Variants in FSTL5 observed in about 807,000 individuals in gnomAD.
The protein encoded by FSTL5 is follistatin like 5.
FSTL5 carries 62 observed loss-of-function variants against 89.1 expected under a neutral mutation model. The ratio of observed to expected loss-of-function variants is 0.70; its 90% CI spans 0.57 to 0.86. The LOEUF is 0.86. Ranked by LOEUF, FSTL5 falls within the 40% of genes least tolerant of loss-of-function variation. FSTL5 has a pLI of 0.00. For missense variants in FSTL5, 1,057 were observed against 1,001.6 expected, an observed-to-expected ratio of 1.06 and a Z score of -0.75; for synonymous variants, 383 against 346.2, an observed-to-expected ratio of 1.11 and a Z score of -1.18.
At chr4:161,811,266 A>G (rs1730137344) in intron 4 of FSTL5, among the ~76,000 whole-genome samples, 1 of 152,158 alleles carries the variant, frequency 6.6e-6, no homozygotes, top group Non-Finnish European at 1.5e-5. Context: ...GAGAAGTACA[A>G]TTTTATGGAA....
chr4:161,589,569 C>T (rs1578949244), intron 7 of FSTL5, among the ~76,000 whole-genome samples: 1 of 152,024 alleles, frequency 6.6e-6, no homozygotes, highest in Non-Finnish European at 1.5e-5. Flanking sequence ...CCTCCTGCTT[C>T]AGCCACCCAA....
chr4:161,633,000 G>T (rs549040171), intron 7 of FSTL5, among the ~76,000 whole-genome samples: 3 of 152,062 alleles, frequency 2.0e-5, no homozygotes, highest in African/African-American at 7.2e-5. Flanking sequence ...TGGCTAGAAT[G>T]GATTTTGTTT....
intron 1 of FSTL5, among the ~76,000 whole-genome samples, chr4:162,157,277 G>T (rs1356292948): frequency 6.6e-6 from 1 of 152,016 alleles, no homozygotes; most frequent in Non-Finnish European, 1.5e-5. Flanking sequence ...TTAGACCAAA[G>T]TAAATTGAAG....
chr4:162,008,555 C>G (rs899015388), intron 3 of FSTL5, among the ~76,000 whole-genome samples: 1 of 151,804 alleles, frequency 6.6e-6, no homozygotes, highest in African/African-American at 2.4e-5. Flanking sequence ...CCTGAGGCAG[C>G]TGACAAAATC....
intron 15 of FSTL5, among the ~76,000 whole-genome samples, chr4:161,435,005 T>C (rs943258969): frequency 1.3e-5 from 2 of 152,076 alleles, no homozygotes; most frequent in African/African-American, 4.8e-5. Context: ...CTGTGGGGAA[T>C]AGTTTGGAAG....
At chr4:162,162,019 G>A (rs1170551542) in intron 1 of FSTL5, among the ~76,000 whole-genome samples, 2 of 151,940 alleles carry the variant, frequency 1.3e-5, no homozygotes, top group Non-Finnish European at 2.9e-5. Context: ...TTTAATTTAA[G>A]ATCACATGAC....
intron 3 of FSTL5, among the ~76,000 whole-genome samples, chr4:162,015,178 T>C (rs1040512463): frequency 6.6e-6 from 1 of 152,198 alleles, no homozygotes; most frequent in African/African-American, 2.4e-5. Context: ...TGAGTTACTC[T>C]GGCAAGGGGC....
At chr4:161,980,442 C>G (rs1424408447) in intron 3 of FSTL5, among the ~76,000 whole-genome samples, 1 of 152,028 alleles carries the variant, frequency 6.6e-6, no homozygotes, top group African/African-American at 2.4e-5. Flanking sequence ...GGCACATGTT[C>G]TTTTGTTTCC....
chr4:161,599,728 C>T (rs570851761), intron 7 of FSTL5, among the ~76,000 whole-genome samples: 1 of 151,916 alleles, frequency 6.6e-6, no homozygotes, highest in Non-Finnish European at 1.5e-5. Flanking sequence ...GTGTATATGG[C>T]CATATATTTC....
intron 4 of FSTL5, among the ~76,000 whole-genome samples, chr4:161,880,690 A>C (rs1732599648): frequency 6.6e-6 from 1 of 152,166 alleles, no homozygotes; most frequent in Non-Finnish European, 1.5e-5. Context: ...CAACATTCAC[A>C]CAGTGAAATA....
intron 13 of FSTL5, among the ~76,000 whole-genome samples, chr4:161,476,183 TTTTTTGTTTGTTTG>T (rs1336277679): frequency 9.5e-6 from 1 of 105,774 alleles, no homozygotes; most frequent in Non-Finnish European, 1.9e-5. Context: ...GTTTTTTTTT[TTTTTTGTTTGTTTG>T]TTTTTTTGAG....
chr4:161,385,900 G>GT lies in FSTL5; in HGVS notation c.2390dup (p.Asn797LysfsTer31). 6.2e-7 allele frequency: 1 copy of GT among 1,613,888 alleles called. No individual in the cohort carries two copies. The highest frequency in any genetic ancestry group is 8.5e-7 in the Non-Finnish European group (1 of 1,179,934). Reference sequence around the variant, plus strand: ...ACAAGCCACTGTCCTGGATTTGCCTGTTTTTCCGGTTCCAAGGCCATTCTT... The same window carrying GT: ...ACAAGCCACTGTCCTGGATTTGCCTGTTTTTTCCGGTTCCAAGGCCATTCTT... On this transcript the variant is annotated frameshift_variant, in exon 16 of 16. Coordinates refer to ENST00000306100, the MANE Select transcript of FSTL5 (RefSeq NM_020116.5). LOFTEE classifies it high-confidence loss of function.
chr4:161,499,883 G>A (rs1249171468), intron 12 of FSTL5, 133 bp downstream of exon 12: 9 of 623,022 alleles, frequency 1.4e-5, no homozygotes, highest in African/African-American at 3.8e-5. Context: ...GAATAACACC[G>A]AATATCATGG....
At chr4:161,989,781 C>T (rs1418097823) in intron 3 of FSTL5, among the ~76,000 whole-genome samples, 1 of 152,040 alleles carries the variant, frequency 6.6e-6, no homozygotes, top group Non-Finnish European at 1.5e-5. Flanking sequence ...AGTGATGGAT[C>T]TTTAGTAACC....
chr4:161,856,538 A>G (rs1299879851), intron 4 of FSTL5, among the ~76,000 whole-genome samples: 3 of 152,014 alleles, frequency 2.0e-5, no homozygotes, highest in Non-Finnish European at 4.4e-5. Context: ...TTCTCAACCT[A>G]GAGATACAAA....
Position 161,439,436 on chromosome 4 carries a change from C to T in FSTL5, c.1841+15568G>A, listed in dbSNP as rs115961350. On this transcript the variant is annotated intron_variant, in intron 15 of 15. Coordinates refer to ENST00000306100, the MANE Select transcript of FSTL5 (RefSeq NM_020116.5). ...CGGTTTGTTTCTCAGCTCCGCAATTCAATAACCATGTACTCTTGTGTGAAC... is the reference window on the plus strand; with the variant it reads ...CGGTTTGTTTCTCAGCTCCGCAATTTAATAACCATGTACTCTTGTGTGAAC... Among the ~76,000 whole-genome samples, 794 of 152,310 alleles carry T rather than the reference C, an allele frequency of 5.2e-3. 9 individuals are homozygous for T. The highest frequency in any genetic ancestry group is 0.017 in the African/African-American group (723 of 41,574).
chr4:161,800,804 A>T (rs1256040257), intron 4 of FSTL5, among the ~76,000 whole-genome samples: 1 of 151,600 alleles, frequency 6.6e-6, no homozygotes, highest in East Asian at 1.9e-4. Context: ...TTCTTCAGGA[A>T]GTATAAATAT....
At chr4:161,613,418 C>G (rs1393888171) in intron 7 of FSTL5, among the ~76,000 whole-genome samples, 3 of 150,732 alleles carry the variant, frequency 2.0e-5, no homozygotes. Flanking sequence ...CCACTGCACT[C>G]CAGTCTGGCG....
intron 15 of FSTL5, among the ~76,000 whole-genome samples, chr4:161,431,534 A>G (rs1732370796): frequency 1.3e-5 from 2 of 152,204 alleles, no homozygotes; most frequent in African/African-American, 4.8e-5. Context: ...AAAAGAAGAC[A>G]GAAAGGGAGA....
Sources: allele counts gnomAD v4.1 joint callset (sites outside exome capture counted in the v4.1 genomes callset), GRCh38; gene constraint gnomAD v4.1.1; transcripts MANE v1.5; gene names NCBI Gene and HGNC (gene_info 2026-07-23, HGNC 2026-07-21).